The following RAD51B variants were observed in gnomAD, a reference collection of about 807,000 sequenced individuals.
RAD51B encodes DNA repair protein RAD51 homolog 2.
Under a neutral mutation model 42.2 loss-of-function variants are expected in RAD51B, and 38 were observed. That is an observed-to-expected ratio of 0.90 (90% CI 0.70 to 1.18). RAD51B has a LOEUF of 1.18. Ranked by LOEUF, RAD51B falls within the 50% of genes most tolerant of loss-of-function variation. The pLI, the probability that RAD51B is intolerant of heterozygous loss-of-function variation, is 0.00. For synonymous variants in RAD51B, 154 were observed against 145.2 expected (o/e 1.06, Z -0.43); for missense variants, 373 against 400.7 (o/e 0.93, Z 0.59).
chr14:68,364,653 G>T (rs780909975), intron 8 of RAD51B, among the ~76,000 whole-genome samples: 6 of 152,204 alleles, frequency 3.9e-5, no homozygotes, highest in Non-Finnish European at 5.9e-5. Context: ...ATCTCTCACA[G>T]GAATGATGGG....
At position 68,184,819 on chromosome 14, in the gene RAD51B, T is replaced by A. The variant is rs751207891; in HGVS notation, c.757-107065T>A. On this transcript the variant is annotated intron_variant, in intron 7 of 10. Coordinates refer to ENST00000471583, the MANE Select transcript of RAD51B (RefSeq NM_133510.4). ...TGTGTTTCTGAAGATTTATTCTTTC[T>A]AATGCTTGAGCATTTTGAAAGAGAG... Among the ~76,000 whole-genome samples, 3 of 152,230 alleles carry A rather than the reference T, an allele frequency of 2.0e-5. No individual in the cohort carries two copies. The East Asian group carries it at 5.8e-4, about 29-fold the overall frequency.
At chr14:68,342,138 C>T (rs1268588509) in intron 8 of RAD51B, among the ~76,000 whole-genome samples, 4 of 152,196 alleles carry the variant, frequency 2.6e-5, no homozygotes, top group South Asian at 4.1e-4. Flanking sequence ...GCCTATCTTA[C>T]AGAAATAGGA....
At chr14:68,276,414 C>CTT (rs199738833) in intron 7 of RAD51B, among the ~76,000 whole-genome samples, 1 of 151,418 alleles carries the variant, frequency 6.6e-6, no homozygotes, top group East Asian at 1.9e-4. Context: ...ACTCATTTTA[C>CTT]TTTTTTTTTA....
intron 10 of RAD51B, among the ~76,000 whole-genome samples, chr14:68,604,675 A>T (rs759491180): frequency 6.6e-6 from 1 of 152,112 alleles, no homozygotes; most frequent in African/African-American, 2.4e-5. Context: ...CCTCTAAGTC[A>T]TCGAAGGTCA....
intron 8 of RAD51B, among the ~76,000 whole-genome samples, chr14:68,315,749 C>T (rs1253680293): frequency 1.3e-5 from 2 of 152,188 alleles, no homozygotes. Flanking sequence ...GTCTCCATCT[C>T]CTGACCTCAT....
intron 10 of RAD51B, among the ~76,000 whole-genome samples, chr14:68,500,643 G>A (rs1035624497): frequency 6.6e-5 from 10 of 152,258 alleles, no homozygotes; most frequent in Admixed American, 5.9e-4. Context: ...GCAGATGGAT[G>A]TCAAAACATT....
intron 11 of RAD51B, among the ~76,000 whole-genome samples, chr14:68,661,225 A>G (rs1036776484): frequency 2.6e-5 from 4 of 152,250 alleles, no homozygotes; most frequent in Non-Finnish European, 5.9e-5. Flanking sequence ...AGGAACGGAA[A>G]GGGAACCAAC....
intron 7 of RAD51B, among the ~76,000 whole-genome samples, chr14:67,941,195 C>G (rs966723629): frequency 2.6e-5 from 4 of 152,126 alleles, no homozygotes. Context: ...TCCAAAAAAA[C>G]AGCATTAAAA....
At chr14:68,659,719 G>T (rs987251615) in intron 11 of RAD51B, among the ~76,000 whole-genome samples, 1 of 152,216 alleles carries the variant, frequency 6.6e-6, no homozygotes, top group Admixed American at 6.5e-5. Context: ...TGCCTGGGAA[G>T]CGACACATGG....
intron 7 of RAD51B, among the ~76,000 whole-genome samples, chr14:68,265,455 ATAAC>A (rs1188791543): frequency 5.3e-5 from 8 of 152,204 alleles, no homozygotes; most frequent in African/African-American, 1.4e-4. Flanking sequence ...TGGTATAAAA[ATAAC>A]TAACTGTCGG....
chr14:68,385,456 C>A (rs1198143417), intron 8 of RAD51B, among the ~76,000 whole-genome samples: 3 of 152,208 alleles, frequency 2.0e-5, no homozygotes, highest in Admixed American at 2.0e-4. Flanking sequence ...GTACCACCAG[C>A]CAAATGCTCT....
downstream of RAD51B, among the ~76,000 whole-genome samples, chr14:68,613,882 A>G (rs910664079): frequency 6.6e-6 from 1 of 152,358 alleles, no homozygotes; most frequent in South Asian, 2.1e-4. Flanking sequence ...TTTTGGAGTC[A>G]GAGAGGTTGG....
intron 7 of RAD51B, among the ~76,000 whole-genome samples, chr14:68,099,860 G>T (rs187306975): frequency 6.2e-4 from 95 of 152,168 alleles, no homozygotes; most frequent in Non-Finnish European, 1.2e-3. Context: ...AAGAGTTTTT[G>T]GTTTCTGCAT....
chr14:68,478,039 A>T lies in RAD51B; in HGVS notation c.*375A>T. On this transcript the variant is annotated 3_prime_UTR_variant, in exon 11 of 11. Coordinates refer to ENST00000471583, the MANE Select transcript of RAD51B (RefSeq NM_133510.4). ...CCTGGGGAGAGGAGGAGGATGACTAACAAGATTTGTAATTACAGGAGGGAA... is the reference window on the plus strand; with the variant it reads ...CCTGGGGAGAGGAGGAGGATGACTATCAAGATTTGTAATTACAGGAGGGAA... 1 of 1,082,354 alleles carries T rather than the reference A, an allele frequency of 9.2e-7. No individual in the cohort carries two copies. The highest frequency in any genetic ancestry group is 1.1e-6 in the Non-Finnish European group (1 of 891,356). The allele number at this position is 1,082,354 out of a possible 1,614,324, so 67.0% of individuals were successfully genotyped here.
At chr14:68,157,655 C>G (rs1370947951) in intron 7 of RAD51B, among the ~76,000 whole-genome samples, 1 of 152,162 alleles carries the variant, frequency 6.6e-6, no homozygotes, top group African/African-American at 2.4e-5. Flanking sequence ...ATTCTGTTTT[C>G]TGTCTTATTT....
chr14:68,332,350 T>C (rs2082367813), intron 8 of RAD51B, among the ~76,000 whole-genome samples: 1 of 152,248 alleles, frequency 6.6e-6, no homozygotes, highest in African/African-American at 2.4e-5. Context: ...ACACATACTT[T>C]GGTCATTTAT....
chr14:68,319,413 T>TA (rs548119341), intron 8 of RAD51B, among the ~76,000 whole-genome samples: 2 of 152,186 alleles, frequency 1.3e-5, no homozygotes, highest in African/African-American at 2.4e-5. Flanking sequence ...GTTACTTCAA[T>TA]AAAAAAACTG....
chr14:68,509,721 C>A (rs1885590833), intron 10 of RAD51B, among the ~76,000 whole-genome samples: 1 of 152,180 alleles, frequency 6.6e-6, no homozygotes. Context: ...TGTAAAGGGG[C>A]AGATAGTGAC....
intron 10 of RAD51B, among the ~76,000 whole-genome samples, chr14:68,649,648 A>T (rs945069357): frequency 3.9e-5 from 6 of 152,232 alleles, no homozygotes; most frequent in Non-Finnish European, 5.9e-5. Context: ...GTTAGCCAAT[A>T]GATGGGTCAC....
Sources: gnomAD v4.1 joint callset for allele counts (sites outside exome capture counted in the v4.1 genomes callset) on GRCh38, gnomAD v4.1.1 for gene constraint, MANE v1.5 for transcripts, NCBI Gene and HGNC (gene_info 2026-07-23, HGNC 2026-07-21) for gene names.